CDH12: variants seen among roughly 807,000 people sequenced by gnomAD.
CDH12 encodes the protein cadherin 12, also known as cadherin-12.
A neutral mutation model predicts 74.1 loss-of-function variants in CDH12; 41 were observed. That is an observed-to-expected ratio of 0.55 (90% CI 0.43 to 0.72). The LOEUF (loss-of-function observed/expected upper bound fraction) is 0.72. Ranked by LOEUF, CDH12 falls within the 30% of genes least tolerant of loss-of-function variation. The pLI is 0.00. For missense variants in CDH12, 945 were observed against 977.2 expected, an observed-to-expected ratio of 0.97 and a Z score of 0.44; for synonymous variants, 399 against 355.0, an observed-to-expected ratio of 1.12 and a Z score of -1.39.
chr5:22,341,632 C>G (rs2150455324), intron 3 of CDH12, among the ~76,000 whole-genome samples: 2 of 152,236 alleles, frequency 1.3e-5, no homozygotes, highest in African/African-American at 4.8e-5. Flanking sequence ...ATTTACTGCA[C>G]AGACATAGTG....
intron 6 of CDH12, chr5:21,883,797 G>A: frequency 6.3e-7 from 1 of 1,583,324 alleles, no homozygotes; most frequent in Admixed American, 1.7e-5. Context: ...TGGAGTAGTT[G>A]TGCTGAAGTT....
intron 2 of CDH12, among the ~76,000 whole-genome samples, chr5:22,460,619 T>C (rs371426447): frequency 3.0e-4 from 46 of 151,770 alleles, no homozygotes; most frequent in Admixed American, 1.1e-3. Context: ...TCCAGTAATA[T>C]CAAGAGTCTG....
intron 6 of CDH12, among the ~76,000 whole-genome samples, chr5:21,939,213 C>A (rs1755216489): frequency 1.4e-5 from 2 of 146,838 alleles, no homozygotes; most frequent in South Asian, 4.2e-4. Flanking sequence ...AATATCATAC[C>A]TTCTATATAT....
At chr5:22,315,608 A>G (rs1738598759) in intron 3 of CDH12, among the ~76,000 whole-genome samples, 1 of 152,188 alleles carries the variant, frequency 6.6e-6, no homozygotes. Context: ...GAAGGTCTAG[A>G]AAAGACATAT....
At chr5:22,198,618 C>T (rs2150352661) in intron 4 of CDH12, among the ~76,000 whole-genome samples, 1 of 152,116 alleles carries the variant, frequency 6.6e-6, no homozygotes, top group East Asian at 1.9e-4. Context: ...TATGAAAACT[C>T]TACTTTCTAT....
intron 2 of CDH12, among the ~76,000 whole-genome samples, chr5:22,430,170 T>C (rs1481304924): frequency 6.6e-6 from 1 of 152,158 alleles, no homozygotes; most frequent in Non-Finnish European, 1.5e-5. Flanking sequence ...TTAGAAGTAA[T>C]CTCCCACTGA....
At chr5:22,564,442 TACC>T (rs757816858) in intron 1 of CDH12, among the ~76,000 whole-genome samples, 9 of 152,218 alleles carry the variant, frequency 5.9e-5, no homozygotes, top group African/African-American at 9.6e-5. Flanking sequence ...GTGTTCACTT[TACC>T]ACCACATTTT....
At chr5:22,537,351 T>C (rs1298173083) in intron 1 of CDH12, among the ~76,000 whole-genome samples, 5 of 152,158 alleles carry the variant, frequency 3.3e-5, no homozygotes, top group African/African-American at 1.2e-4. Flanking sequence ...AAAAACAATA[T>C]GTTTATGAAG....
At chr5:22,452,380 C>T (rs1306382504) in intron 2 of CDH12, among the ~76,000 whole-genome samples, 3 of 151,818 alleles carry the variant, frequency 2.0e-5, no homozygotes, top group African/African-American at 2.4e-5. Context: ...GACACATAGA[C>T]CAATGGAACA....
chr5:22,721,625 G>A (rs1309249892), intron 1 of CDH12, among the ~76,000 whole-genome samples: 1 of 152,110 alleles, frequency 6.6e-6, no homozygotes, highest in East Asian at 1.9e-4. Flanking sequence ...GAAATGTAAG[G>A]ACATGAGATT....
chr5:22,642,164 A>G (rs1264514744), intron 1 of CDH12, among the ~76,000 whole-genome samples: 1 of 152,234 alleles, frequency 6.6e-6, no homozygotes, highest in Non-Finnish European at 1.5e-5. Flanking sequence ...GACAGAAGTG[A>G]TCATTTGTAG....
intron 4 of CDH12, among the ~76,000 whole-genome samples, chr5:22,211,746 A>C (rs1046719207): frequency 9.9e-5 from 15 of 151,628 alleles, no homozygotes; most frequent in Admixed American, 3.3e-4. Context: ...ATATCTTAAT[A>C]ATAAAAATGA....
intron 3 of CDH12, among the ~76,000 whole-genome samples, chr5:22,328,711 A>C (rs779753804): frequency 1.3e-5 from 2 of 152,212 alleles, no homozygotes; most frequent in Non-Finnish European, 2.9e-5. Context: ...GGCTTTGAAT[A>C]GCTACATCTG....
At chr5:22,084,305 C>G (rs1211934379) in intron 4 of CDH12, among the ~76,000 whole-genome samples, 2 of 152,162 alleles carry the variant, frequency 1.3e-5, no homozygotes, top group Non-Finnish European at 2.9e-5. Flanking sequence ...TTTGACCTAC[C>G]TGACAATTCT....
intron 1 of CDH12, among the ~76,000 whole-genome samples, chr5:22,567,474 T>C (rs1739341987): frequency 6.6e-6 from 1 of 152,208 alleles, no homozygotes; most frequent in Non-Finnish European, 1.5e-5. Context: ...ATCAGTACTT[T>C]CCAGTTTTCC....
At chr5:22,202,625 C>T (rs1750990068) in intron 4 of CDH12, among the ~76,000 whole-genome samples, 1 of 152,126 alleles carries the variant, frequency 6.6e-6, no homozygotes, top group Non-Finnish European at 1.5e-5. Context: ...TGTTAGGTCG[C>T]AGTCAGGAGG....
At chr5:22,573,221 A>G (rs271090) in intron 1 of CDH12, among the ~76,000 whole-genome samples, 22,258 of 152,096 alleles carry the variant, frequency 0.15, 1,652 homozygotes, top group Middle Eastern at 0.21. Context: ...TCCTTAGAAC[A>G]TTTGACAAAT....
chr5:22,768,359 A>G (rs1214068832), intron 1 of CDH12, among the ~76,000 whole-genome samples: 4 of 152,030 alleles, frequency 2.6e-5, no homozygotes, highest in African/African-American at 9.7e-5. Flanking sequence ...CCCATTCAAA[A>G]CCATTCAGTT....
intron 8 of CDH12, among the ~76,000 whole-genome samples, chr5:21,827,866 T>C (rs576960374): frequency 2.6e-5 from 4 of 152,282 alleles, no homozygotes; most frequent in Admixed American, 6.5e-5. Flanking sequence ...TTCAAGTGCA[T>C]CAATAATTTT....
Sources: allele counts gnomAD v4.1 joint callset (sites outside exome capture counted in the v4.1 genomes callset), GRCh38; gene constraint gnomAD v4.1.1; transcripts MANE v1.5; gene names NCBI Gene and HGNC (gene_info 2026-07-23, HGNC 2026-07-21).